GPD2: variants seen among roughly 807,000 people sequenced by gnomAD.
GPD2 encodes the protein glycerol-3-phosphate dehydrogenase, mitochondrial.
A neutral mutation model predicts 82.4 loss-of-function variants in GPD2; 54 were observed. That is an observed-to-expected ratio of 0.66 (90% CI 0.53 to 0.82). The LOEUF (loss-of-function observed/expected upper bound fraction) is 0.82. GPD2 is among the 40% of genes least tolerant of loss of function. The pLI is 0.00. For missense variants in GPD2, 748 were observed against 896.2 expected, an observed-to-expected ratio of 0.83 and a Z score of 2.11; for synonymous variants, 288 against 306.1, an observed-to-expected ratio of 0.94 and a Z score of 0.62.
At chr2:156,444,720 T>TATAC (rs1553464319) in intron 1 of GPD2, among the ~76,000 whole-genome samples, 5 of 150,088 alleles carry the variant, frequency 3.3e-5, no homozygotes, top group Admixed American at 3.3e-4. Context: ...CAAAAACAAA[T>TATAC]ACACACACAC....
intron 6 of GPD2, among the ~76,000 whole-genome samples, chr2:156,539,518 A>G (rs1410606120): frequency 2.6e-5 from 4 of 152,176 alleles, no homozygotes; most frequent in Non-Finnish European, 4.4e-5. Context: ...AAGGTGTGGA[A>G]TCTTCCTGTG....
At chr2:156,427,383 T>G in the GPD2 span, among the ~76,000 whole-genome samples, 2 of 152,256 alleles carry the variant, frequency 1.3e-5, no homozygotes, top group African/African-American at 4.8e-5. Flanking sequence ...TGCTAAGAAT[T>G]AGTTGACTAA....
intron 6 of GPD2, among the ~76,000 whole-genome samples, chr2:156,530,541 C>T (rs1277436049): frequency 6.7e-6 from 1 of 150,066 alleles, no homozygotes; most frequent in Non-Finnish European, 1.5e-5. Flanking sequence ...AGTTTTTGCC[C>T]ATTCAGTATG....
intron 2 of GPD2, among the ~76,000 whole-genome samples, chr2:156,489,687 T>TCTTCCTTCCTTCCTTC (rs143845551): frequency 1.8e-5 from 2 of 109,102 alleles, no homozygotes; most frequent in African/African-American, 8.0e-5. Flanking sequence ...TTTCCTTCCT[T>TCTTCCTTCCTTCCTTC]CTTCCTTCCT....
At chr2:156,477,776 A>T (rs1683565414) in intron 2 of GPD2, among the ~76,000 whole-genome samples, 1 of 152,188 alleles carries the variant, frequency 6.6e-6, no homozygotes, top group Non-Finnish European at 1.5e-5. Context: ...TCCATTGATC[A>T]TGCTTGATGT....
chr2:156,460,769 C>T (rs2105174733), intron 1 of GPD2, among the ~76,000 whole-genome samples: 1 of 152,304 alleles, frequency 6.6e-6, no homozygotes, highest in African/African-American at 2.4e-5. Flanking sequence ...TGTTGTTAGC[C>T]TGTTAGACTG....
At chr2:156,495,826 T>C (rs1419663274) in intron 2 of GPD2, 1 of 541,806 alleles carries the variant, frequency 1.8e-6, no homozygotes, top group South Asian at 2.1e-5. Flanking sequence ...CCAGGTGTCC[T>C]ATGGCTAAAT....
At chr2:156,509,767 T>TTTTTC (rs1684921066) in intron 3 of GPD2, among the ~76,000 whole-genome samples, 1 of 138,704 alleles carries the variant, frequency 7.2e-6, no homozygotes, top group African/African-American at 2.8e-5. Flanking sequence ...ATGTTCTTCT[T>TTTTTC]TTTTTTTTTT....
At chr2:156,415,927 A>G in the GPD2 span, among the ~76,000 whole-genome samples, 1 of 98,334 alleles carries the variant, frequency 1.0e-5, no homozygotes, top group African/African-American at 2.9e-5. Context: ...AGGCTGAGGC[A>G]GGAGAATGGC....
chr2:156,551,361 A>G (rs945595937), intron 8 of GPD2, among the ~76,000 whole-genome samples: 1 of 151,908 alleles, frequency 6.6e-6, no homozygotes, highest in South Asian at 2.1e-4. Context: ...GCGTCATTAA[A>G]CTCTTTTTAT....
In GPD2 at chr2:156,517,099, A is replaced by G. The variant is rs145407284; in HGVS notation, c.661+3603A>G. Among the ~76,000 whole-genome samples, 7 of 152,312 alleles carry G rather than the reference A, an allele frequency of 4.6e-5. No homozygotes were observed. In the East Asian group the frequency reaches 1.4e-3, roughly 29 times the overall value. On this transcript the variant is annotated intron_variant, in intron 6 of 16. Transcript: ENST00000438166. Reference sequence around the variant, plus strand: ...CCACAGAAGTTCATAGAGGTAATAAAGAAGTTCCATGCACTCTTCCCTCCA... The same window carrying G: ...CCACAGAAGTTCATAGAGGTAATAAGGAAGTTCCATGCACTCTTCCCTCCA...
intron 2 of GPD2, among the ~76,000 whole-genome samples, chr2:156,490,130 G>C (rs1684121191): frequency 6.6e-6 from 1 of 152,124 alleles, no homozygotes. Flanking sequence ...AGGAAGATTT[G>C]GAACCCAAAG....
chr2:156,541,543 A>G (rs1686311146), intron 6 of GPD2, among the ~76,000 whole-genome samples: 1 of 152,168 alleles, frequency 6.6e-6, no homozygotes. Flanking sequence ...CATCCTCAGG[A>G]CAGTTTCCTG....
chr2:156,527,416 CTTACATTAG>C (rs1380355085), intron 6 of GPD2, among the ~76,000 whole-genome samples: 1 of 152,118 alleles, frequency 6.6e-6, no homozygotes, highest in Non-Finnish European at 1.5e-5. Context: ...TCATATCACA[CTTACATTAG>C]TAAAACCCTC....
At chr2:156,576,432 A>G (rs552950880) in intron 13 of GPD2, among the ~76,000 whole-genome samples, 3 of 151,324 alleles carry the variant, frequency 2.0e-5, no homozygotes, top group South Asian at 2.1e-4. Flanking sequence ...AGGAAAGCAC[A>G]TGATACTATC....
chr2:156,552,478 TTTTG>T (rs1558957383), intron 8 of GPD2, among the ~76,000 whole-genome samples: 3 of 152,180 alleles, frequency 2.0e-5, no homozygotes, highest in East Asian at 1.9e-4. Flanking sequence ...GTTTATGAGT[TTTTG>T]TTTGTTTGTT....
intron 9 of GPD2, among the ~76,000 whole-genome samples, chr2:156,566,083 A>G (rs1395739612): frequency 2.6e-5 from 4 of 152,136 alleles, no homozygotes; most frequent in Non-Finnish European, 5.9e-5. Flanking sequence ...GAACTAAAAC[A>G]TGGACATGGT....
At chr2:156,452,512 C>T (rs951647649) in intron 1 of GPD2, among the ~76,000 whole-genome samples, 4 of 152,198 alleles carry the variant, frequency 2.6e-5, no homozygotes, top group East Asian at 1.9e-4. Context: ...AGCTTCGGCT[C>T]GGCATCAGAG....
intron 6 of GPD2, among the ~76,000 whole-genome samples, chr2:156,526,417 A>G (rs1194520632): frequency 6.6e-6 from 1 of 152,114 alleles, no homozygotes; most frequent in Non-Finnish European, 1.5e-5. Context: ...GGTTCATAAC[A>G]TTTGCTTGCA....
Sources: gnomAD v4.1 joint callset for allele counts (sites outside exome capture counted in the v4.1 genomes callset) on GRCh38, gnomAD v4.1.1 for gene constraint, MANE v1.5 for transcripts, NCBI Gene and HGNC (gene_info 2026-07-23, HGNC 2026-07-21) for gene names.